Variants in ACER2 observed in about 807,000 individuals in gnomAD.
The protein encoded by ACER2 is alkaline ceramidase 2.
ACER2 carries 26 observed loss-of-function variants against 34.7 expected under a neutral mutation model. The observed-to-expected ratio is 0.75, with a 90% CI of 0.55 to 1.04. The LOEUF (loss-of-function observed/expected upper bound fraction) is 1.04, where lower values mean the gene tolerates loss of function less well. Ranked by LOEUF, ACER2 falls within the 50% of genes least tolerant of loss-of-function variation. ACER2 has a pLI of 0.00. For synonymous variants in ACER2, 138 were observed against 132.1 expected (o/e 1.04, Z -0.31); for missense variants, 352 against 340.8 (o/e 1.03, Z -0.26).
chr9:19,409,602 T>A (rs1284206068), intron 1 of ACER2, among the ~76,000 whole-genome samples: 1 of 152,106 alleles, frequency 6.6e-6, no homozygotes, highest in African/African-American at 2.4e-5. Flanking sequence ...TTTTTTGCCC[T>A]GAATACCTGC....
intron 3 of ACER2, among the ~76,000 whole-genome samples, chr9:19,426,981 A>G (rs7023514): frequency 0.2 from 30,532 of 152,092 alleles, 3,218 homozygotes; most frequent in South Asian, 0.29. Flanking sequence ...TTCTCTGGGG[A>G]AGATGTGAAG....
chr9:19,422,947 G>A (rs1190093861), intron 1 of ACER2, among the ~76,000 whole-genome samples: 1 of 150,882 alleles, frequency 6.6e-6, no homozygotes, highest in South Asian at 2.1e-4. Flanking sequence ...CAGGAGAATC[G>A]CTTGAACCTG....
Position 19,446,099 on chromosome 9 carries a change from C to T in ACER2, c.504-182C>T, listed in dbSNP as rs1247151608. 2.0e-5 allele frequency: 18 copies of T among 910,344 alleles called. No individual in the cohort carries two copies. The Admixed American group carries it at 3.1e-4, about 15-fold the overall frequency. 56.4% of individuals were successfully genotyped at this position (910,344 alleles called of 1,614,324 possible). ...CTGGGTGGGAAGGGTGTCTGTGAGC[C>T]ATCTGTGTACATATGGTATTTACAT... is the stretch of plus-strand genomic sequence containing the variant. On this transcript the variant is annotated intron_variant, in intron 4 of 5. Coordinates refer to ENST00000340967, the MANE Select transcript of ACER2 (RefSeq NM_001010887.3).
intron 1 of ACER2, among the ~76,000 whole-genome samples, chr9:19,414,210 C>T (rs1452288856): frequency 1.3e-5 from 2 of 152,166 alleles, no homozygotes; most frequent in African/African-American, 2.4e-5. Context: ...TTGGTCATCC[C>T]AGGGGCAGAA....
chr9:19,449,790 G>A (rs1157778414), intron 5 of ACER2, among the ~76,000 whole-genome samples: 1 of 151,682 alleles, frequency 6.6e-6, no homozygotes, highest in Non-Finnish European at 1.5e-5. Context: ...TACTTGGGAG[G>A]CTGAGGCAGG....
At chr9:19,413,293 A>G (rs1446783212) in intron 1 of ACER2, among the ~76,000 whole-genome samples, 2 of 152,040 alleles carry the variant, frequency 1.3e-5, no homozygotes, top group Non-Finnish European at 2.9e-5. Context: ...GTTCCTTTTT[A>G]TGTTTTAAGA....
chr9:19,427,139 A>C (rs1830596129), intron 3 of ACER2, among the ~76,000 whole-genome samples: 1 of 152,216 alleles, frequency 6.6e-6, no homozygotes, highest in Non-Finnish European at 1.5e-5. Flanking sequence ...CTATCTGTAA[A>C]ATTAGGTAAA....
chr9:19,426,521 C>T (rs1830578093), intron 3 of ACER2, among the ~76,000 whole-genome samples: 1 of 151,782 alleles, frequency 6.6e-6, no homozygotes, highest in African/African-American at 2.4e-5. Context: ...AATCGCTTTT[C>T]TCAGATATCT....
rs140956066 is a variant in ACER2 at position 19,413,787 on chromosome 9, A to G, written c.108+4595A>G. On this transcript the variant is annotated intron_variant, in intron 1 of 5. Transcript: ENST00000340967. ...GAATCTTGAAGCAAAATACATGCAT[A>G]AAATCAGCTCATGATCTGTCACTTC... 1.1e-3 allele frequency among the ~76,000 whole-genome samples: 171 copies of G among 152,240 alleles called. 1 individual carries two copies. Among genetic ancestry groups the G allele is most frequent in the Non-Finnish European group, 2.1e-3 (142 of 68,002 alleles).
intron 3 of ACER2, among the ~76,000 whole-genome samples, chr9:19,433,829 A>AG (rs1291747330): frequency 1.3e-5 from 2 of 148,580 alleles, no homozygotes; most frequent in African/African-American, 2.5e-5. Flanking sequence ...GGCCGGGCAG[A>AG]GGGGCTCCTC....
At chr9:19,423,771 A>C (rs1176584848) in intron 1 of ACER2, 91 bp from the exon 2 acceptor site, 5 of 922,218 alleles carry the variant, frequency 5.4e-6, no homozygotes, top group Middle Eastern at 3.2e-4. Context: ...CATTTATCCC[A>C]GTTTGCAAGG....
chr9:19,440,756 C>T (rs1831128727), intron 4 of ACER2, among the ~76,000 whole-genome samples: 1 of 152,198 alleles, frequency 6.6e-6, no homozygotes, highest in Non-Finnish European at 1.5e-5. Flanking sequence ...AATTCCTCTA[C>T]ATATGTGGAT....
intron 1 of ACER2, chr9:19,410,041 G>A: frequency 1.4e-6 from 1 of 709,502 alleles, no homozygotes; most frequent in Non-Finnish European, 1.7e-6. Context: ...TACAGAATGT[G>A]AGACTTTGCG....
At chr9:19,433,105 T>A (rs1020501298) in intron 3 of ACER2, among the ~76,000 whole-genome samples, 1 of 150,496 alleles carries the variant, frequency 6.6e-6, no homozygotes, top group Non-Finnish European at 1.5e-5. Context: ...TTCCTAAGGC[T>A]AAGTTTCTCG....
Position 19,416,252 on chromosome 9 carries a change from T to C in ACER2, c.108+7060T>C, listed in dbSNP as rs76728804. Among the ~76,000 whole-genome samples, 660 of 152,330 alleles carry C rather than the reference T, an allele frequency of 4.3e-3. 4 individuals carry two copies. Among genetic ancestry groups the C allele is most frequent in the African/African-American group, 0.015 (636 of 41,566 alleles). ...TGCTAGTTTAACAAGAGGAAAGCCA[T>C]GTTTACATCAAAGCCAAGAAACTGG... is the stretch of plus-strand genomic sequence containing the variant. On this transcript the variant is annotated intron_variant, in intron 1 of 5. Transcript: ENST00000340967.
At chr9:19,439,003 A>G (rs1430749690) in intron 4 of ACER2, among the ~76,000 whole-genome samples, 1 of 152,216 alleles carries the variant, frequency 6.6e-6, no homozygotes, top group East Asian at 1.9e-4. Flanking sequence ...GGAGGACACA[A>G]GTGGTTAGGG....
chr9:19,443,818 G>A (rs766242042), intron 4 of ACER2, among the ~76,000 whole-genome samples: 7 of 152,012 alleles, frequency 4.6e-5, no homozygotes, highest in African/African-American at 7.2e-5. Context: ...CACCACCCCC[G>A]GCTAATTTTT....
intron 1 of ACER2, among the ~76,000 whole-genome samples, chr9:19,419,188 T>A (rs1188614569): frequency 6.6e-6 from 1 of 152,152 alleles, no homozygotes; most frequent in Non-Finnish European, 1.5e-5. Flanking sequence ...CAAAACTCCA[T>A]CTCAAAAACA....
chr9:19,426,306 CTCTT>C (rs143964195), intron 3 of ACER2, among the ~76,000 whole-genome samples: 3,007 of 136,664 alleles, frequency 0.022, 118 homozygotes, highest in African/African-American at 0.077. Context: ...GTCTTTCTTT[CTCTT>C]TCTTTCTTTC....
Sources: gnomAD v4.1 joint callset for allele counts (sites outside exome capture counted in the v4.1 genomes callset) on GRCh38, gnomAD v4.1.1 for gene constraint, MANE v1.5 for transcripts, NCBI Gene and HGNC (gene_info 2026-07-23, HGNC 2026-07-21) for gene names.